MGAT4C: variants seen among roughly 807,000 people sequenced by gnomAD.
MGAT4C encodes the protein alpha-1,3-mannosyl-glycoprotein 4-beta-N-acetylglucosaminyltransferase C.
Under a neutral mutation model 40.1 loss-of-function variants are expected in MGAT4C, and 19 were observed. The observed-to-expected ratio is 0.47, with a 90% confidence interval of 0.33 to 0.70. MGAT4C has a LOEUF of 0.70. MGAT4C is among the 30% of genes least tolerant of loss of function. MGAT4C has a pLI of 0.02. For missense variants in MGAT4C, 491 were observed against 563.2 expected, an observed-to-expected ratio of 0.87 and a Z score of 1.30; for synonymous variants, 181 against 187.1, an observed-to-expected ratio of 0.97 and a Z score of 0.27.
At chr12:86,716,657 A>C (rs2136638979) in intron 2 of MGAT4C, among the ~76,000 whole-genome samples, 1 of 152,202 alleles carries the variant, frequency 6.6e-6, no homozygotes, top group Non-Finnish European at 1.5e-5. Context: ...AAAGGAGAAA[A>C]ATGGCTTTAA....
intron 1 of MGAT4C, among the ~76,000 whole-genome samples, chr12:86,759,143 C>T (rs1045747261): frequency 5.9e-5 from 9 of 152,052 alleles, no homozygotes; most frequent in African/African-American, 2.2e-4. Flanking sequence ...TGGTATTTGT[C>T]TTTCTGTGCC....
intron 2 of MGAT4C, among the ~76,000 whole-genome samples, chr12:86,691,577 C>T (rs747830084): frequency 1.6e-4 from 25 of 152,252 alleles, no homozygotes; most frequent in South Asian, 2.1e-4. Context: ...AGTTACCAAC[C>T]AGCTCAATTC....
chr12:86,508,422 T>C (rs1457715244), intron 2 of MGAT4C, among the ~76,000 whole-genome samples: 1 of 152,186 alleles, frequency 6.6e-6, no homozygotes, highest in Non-Finnish European at 1.5e-5. Context: ...TATTCCACGG[T>C]GTATATGTGC....
intron 1 of MGAT4C, among the ~76,000 whole-genome samples, chr12:86,139,731 A>G (rs187824890): frequency 3.6e-3 from 553 of 152,252 alleles, no homozygotes; most frequent in African/African-American, 0.013. Context: ...TAAGAATAGA[A>G]AAAAAACGGT....
intron 4 of MGAT4C, among the ~76,000 whole-genome samples, chr12:86,268,419 A>G (rs1201406688): frequency 1.3e-5 from 2 of 151,952 alleles, no homozygotes; most frequent in South Asian, 2.1e-4. Flanking sequence ...TAGATTTAAA[A>G]ACATTGAAAA....
chr12:86,041,109 G>A lies in MGAT4C; in HGVS notation c.-7+8565C>T, dbSNP rs140334759. On this transcript the variant is annotated intron_variant, in intron 2 of 4. Transcript: ENST00000611864. Reference sequence around the variant, plus strand: ...TTAATCTGGCTGGTTGCTGCAGACCGGAGCTTTTCTTATTCAGCCATCTTG... The same window carrying A: ...TTAATCTGGCTGGTTGCTGCAGACCAGAGCTTTTCTTATTCAGCCATCTTG... Among the ~76,000 whole-genome samples, 58 of 151,540 alleles carry A rather than the reference G, an allele frequency of 3.8e-4. 1 individual carries two copies. Among genetic ancestry groups the A allele is most frequent in the Admixed American group, 2.5e-3 (38 of 15,246 alleles).
chr12:86,673,422 CTGAG>C (rs1351024530), intron 2 of MGAT4C, among the ~76,000 whole-genome samples: 3 of 152,098 alleles, frequency 2.0e-5, no homozygotes, highest in Non-Finnish European at 2.9e-5. Context: ...TCACAACTCC[CTGAG>C]TAAGCATAAC....
chr12:86,011,761 G>T, intron 2 of MGAT4C: 1 of 837,334 alleles, frequency 1.2e-6, no homozygotes, highest in Non-Finnish European at 1.4e-6. Context: ...TGATTACTAG[G>T]AATAAACACT....
intron 3 of MGAT4C, among the ~76,000 whole-genome samples, chr12:86,399,570 C>T (rs1422271104): frequency 4.6e-5 from 7 of 152,176 alleles, no homozygotes; most frequent in Middle Eastern, 3.4e-3. Flanking sequence ...TGTGAGCCAC[C>T]GTGCCCGGGC....
chr12:86,692,230 G>C (rs902783891), intron 2 of MGAT4C, among the ~76,000 whole-genome samples: 2 of 152,110 alleles, frequency 1.3e-5, no homozygotes, highest in Non-Finnish European at 2.9e-5. Flanking sequence ...CAGACTATTT[G>C]AAAATCTTTA....
At chr12:86,145,661 A>AAAGT (rs1222081971) in intron 1 of MGAT4C, among the ~76,000 whole-genome samples, 1 of 152,192 alleles carries the variant, frequency 6.6e-6, no homozygotes, top group African/African-American at 2.4e-5. Context: ...TAATCACAGA[A>AAAGT]AAGTTAGTGA....
chr12:86,660,303 G>A (rs1712002123), intron 2 of MGAT4C, among the ~76,000 whole-genome samples: 1 of 152,132 alleles, frequency 6.6e-6, no homozygotes, highest in African/African-American at 2.4e-5. Flanking sequence ...ATTGTACTGT[G>A]GATGATTGAT....
intron 1 of MGAT4C, among the ~76,000 whole-genome samples, chr12:86,157,454 C>T (rs1038523447): frequency 1.3e-4 from 20 of 151,702 alleles, no homozygotes; most frequent in Non-Finnish European, 2.9e-4. Context: ...TCATTATTAC[C>T]CTATTATTCA....
At chr12:86,146,627 T>C (rs1883550900) in intron 1 of MGAT4C, among the ~76,000 whole-genome samples, 1 of 152,088 alleles carries the variant, frequency 6.6e-6, no homozygotes, top group Non-Finnish European at 1.5e-5. Context: ...ACTGCAGCAC[T>C]GGATATTTTT....
intron 2 of MGAT4C, among the ~76,000 whole-genome samples, chr12:86,588,441 C>T (rs1219157192): frequency 6.6e-6 from 1 of 151,952 alleles, no homozygotes; most frequent in African/African-American, 2.4e-5. Context: ...TAGACTAACA[C>T]ACATTAATAA....
intron 2 of MGAT4C, among the ~76,000 whole-genome samples, chr12:86,585,606 C>T (rs1288599236): frequency 2.6e-5 from 4 of 151,272 alleles, no homozygotes; most frequent in African/African-American, 9.7e-5. Context: ...AAGTTCTCAG[C>T]CTTTTTGGCT....
chr12:86,350,913 G>GT, intron 3 of MGAT4C, among the ~76,000 whole-genome samples: 1 of 151,168 alleles, frequency 6.6e-6, no homozygotes, highest in Non-Finnish European at 1.5e-5. Flanking sequence ...TACTTTGGTA[G>GT]TTTTTTATTT....
intron 1 of MGAT4C, among the ~76,000 whole-genome samples, chr12:86,106,851 G>A (rs1305462292): frequency 6.6e-6 from 1 of 152,142 alleles, no homozygotes; most frequent in Non-Finnish European, 1.5e-5. Flanking sequence ...TGTATTTGAA[G>A]TAGATTGAGA....
At chr12:86,255,104 C>T (rs895393379) in intron 1 of MGAT4C, among the ~76,000 whole-genome samples, 2 of 152,184 alleles carry the variant, frequency 1.3e-5, no homozygotes, top group Non-Finnish European at 2.9e-5. Flanking sequence ...AGCATAAGCA[C>T]ATCAACACTT....
Sources: allele counts gnomAD v4.1 joint callset (sites outside exome capture counted in the v4.1 genomes callset), GRCh38; gene constraint gnomAD v4.1.1; transcripts MANE v1.5; gene names NCBI Gene and HGNC (gene_info 2026-07-23, HGNC 2026-07-21).